Variants in PTPRE observed in about 807,000 individuals in gnomAD.
PTPRE encodes the protein protein tyrosine phosphatase receptor type E, also known as receptor-type tyrosine-protein phosphatase epsilon.
A neutral mutation model predicts 102.0 loss-of-function variants in PTPRE; 51 were observed. That is an observed-to-expected ratio of 0.50 (90% CI 0.40 to 0.63). The LOEUF (loss-of-function observed/expected upper bound fraction) is 0.63. Ranked by LOEUF, PTPRE falls within the 30% of genes least tolerant of loss-of-function variation. PTPRE has a pLI of 0.00. For synonymous variants in PTPRE, 345 were observed against 348.2 expected (o/e 0.99, Z 0.10); for missense variants, 752 against 915.1 (o/e 0.82, Z 2.30).
intron 2 of PTPRE, chr10:127,998,057 A>G (rs1260605599): frequency 6.6e-6 from 1 of 152,252 alleles, no homozygotes; most frequent in Non-Finnish European, 1.5e-5. Flanking sequence ...AGTCGAACAC[A>G]CAGCAGCAAT....
At chr10:127,981,347 G>A (rs186449881) in intron 1 of PTPRE, among the ~76,000 whole-genome samples, 22 of 152,202 alleles carry the variant, frequency 1.4e-4, no homozygotes, top group African/African-American at 4.1e-4. Flanking sequence ...TAGTGGGTGT[G>A]GGGTTTCTTT....
intron 2 of PTPRE, among the ~76,000 whole-genome samples, chr10:127,990,454 G>T (rs928213765): frequency 6.6e-6 from 1 of 151,080 alleles, no homozygotes; most frequent in African/African-American, 2.4e-5. Flanking sequence ...AAAAGAAAGC[G>T]GAGTGACTTA....
At chr10:127,937,424 A>G (rs1374904922) in intron 1 of PTPRE, among the ~76,000 whole-genome samples, 1 of 152,182 alleles carries the variant, frequency 6.6e-6, no homozygotes, top group Non-Finnish European at 1.5e-5. Context: ...TCTGAGCTGG[A>G]AGGAGGTTCT....
chr10:127,960,304 G>A (rs868215277), intron 1 of PTPRE, among the ~76,000 whole-genome samples: 4 of 152,318 alleles, frequency 2.6e-5, no homozygotes, highest in Non-Finnish European at 2.9e-5. Flanking sequence ...GCAAGTGAGC[G>A]CTGAGTTAGA....
intron 6 of PTPRE, among the ~76,000 whole-genome samples, chr10:128,055,255 C>G (rs531932455): frequency 1.3e-5 from 2 of 152,310 alleles, no homozygotes; most frequent in South Asian, 4.1e-4. Context: ...GGGAGCTCAC[C>G]TGAGCAGCGA....
chr10:127,976,668 T>A (rs1237929530), intron 1 of PTPRE, among the ~76,000 whole-genome samples: 1 of 152,226 alleles, frequency 6.6e-6, no homozygotes, highest in Non-Finnish European at 1.5e-5. Context: ...TTCAAGGTGG[T>A]TTAACGCTGT....
rs761635910 is a variant in PTPRE, at chr10:128,028,748, G to C, written c.-7-12127G>C. On this transcript the variant is annotated intron_variant, in intron 2 of 20. Transcript: ENST00000254667. This position sits in a 1 kb window ranked among gnomAD's most constrained non-coding sequence, Gnocchi z 4.5. Reference sequence around the variant, plus strand: ...GGCCAGGAGTCGGGATCTGCTCCCAGGAAGAAGCCTCCATCCCTGCGGAGG... The same window carrying C: ...GGCCAGGAGTCGGGATCTGCTCCCACGAAGAAGCCTCCATCCCTGCGGAGG... Among the ~76,000 whole-genome samples, 1 of 152,134 alleles carries C rather than the reference G, an allele frequency of 6.6e-6. No individual in the cohort carries two copies. The highest frequency in any genetic ancestry group is 6.5e-5 in the Admixed American group (1 of 15,280).
chr10:128,046,131 C>T (rs1426860512), intron 3 of PTPRE, among the ~76,000 whole-genome samples: 1 of 152,184 alleles, frequency 6.6e-6, no homozygotes, highest in Non-Finnish European at 1.5e-5. Flanking sequence ...CATAGGGTGC[C>T]AGAGTCAGTG....
chr10:128,077,968 TCATA>T (rs1260335081), intron 19 of PTPRE, among the ~76,000 whole-genome samples, 185 bp downstream of exon 19: 4 of 152,222 alleles, frequency 2.6e-5, no homozygotes, highest in African/African-American at 7.2e-5. Flanking sequence ...TGTCATCGTA[TCATA>T]CATAAGATGC....
chr10:127,978,437 T>A (rs1217615000), intron 1 of PTPRE, among the ~76,000 whole-genome samples: 1 of 151,128 alleles, frequency 6.6e-6, no homozygotes, highest in Non-Finnish European at 1.5e-5. Flanking sequence ...ACTCGGGGGG[T>A]GGCTGAGGCA....
At chr10:127,957,709 T>C (rs1271515865) in intron 1 of PTPRE, among the ~76,000 whole-genome samples, 2 of 152,256 alleles carry the variant, frequency 1.3e-5, no homozygotes, top group Non-Finnish European at 2.9e-5. Flanking sequence ...GTATAAACTT[T>C]AGTATCAGTT....
intron 16 of PTPRE, 50 bp downstream of exon 16, chr10:128,072,264 T>C (rs747682012): frequency 3.4e-6 from 5 of 1,462,250 alleles, no homozygotes; most frequent in Admixed American, 1.8e-5. Flanking sequence ...TTCCTTCACA[T>C]GTGACCACAG....
intron 2 of PTPRE, among the ~76,000 whole-genome samples, chr10:128,014,516 C>T (rs983745257): frequency 5.3e-5 from 8 of 151,978 alleles, no homozygotes; most frequent in Middle Eastern, 3.2e-3. Context: ...GAGACCCATG[C>T]GAGGAGGGCG....
Position 127,986,734 on chromosome 10 carries a change from A to C in PTPRE, c.-8+4438A>C, listed in dbSNP as rs1023324811. On this transcript the variant is annotated intron_variant, in intron 2 of 20. Transcript: ENST00000254667. The stretch of plus-strand genomic sequence containing the variant: ...AAAAAATCTGTTCGTTTTAAAATAA[A>C]GCTCAGGGTTCTGACAGGCAGGGGG... 2.0e-5 allele frequency among the ~76,000 whole-genome samples: 3 copies of C among 152,206 alleles called. No individual in the cohort carries two copies. The East Asian group carries it at 5.8e-4, about 29-fold the overall frequency.
At position 128,027,386 on chromosome 10, in the gene PTPRE, C is replaced by T. The variant is rs1846361071; in HGVS notation, c.-7-13489C>T. 2.0e-5 allele frequency among the ~76,000 whole-genome samples: 3 copies of T among 152,282 alleles called. No individual in the cohort carries two copies. The South Asian group carries it at 6.2e-4, about 32-fold the overall frequency. The stretch of plus-strand genomic sequence containing the variant: ...GAGGGATGCCTAGCACCCCAGAATT[C>T]AGCCCCTACTGACCAGCACCCCACA... On this transcript the variant is annotated intron_variant, in intron 2 of 20. Transcript: ENST00000254667.
At chr10:127,929,454 G>T (rs1024787898) in intron 1 of PTPRE, 1 of 152,176 alleles carries the variant, frequency 6.6e-6, no homozygotes. Context: ...AACAACTACA[G>T]ATATTTATCA....
intron 2 of PTPRE, chr10:127,999,050 A>G (rs770917498): frequency 2.6e-5 from 4 of 152,152 alleles, no homozygotes; most frequent in Non-Finnish European, 4.4e-5. Context: ...CTGAAATAGC[A>G]TTGTTCTTTA....
At chr10:127,995,054 C>T (rs1421143375) in intron 2 of PTPRE, among the ~76,000 whole-genome samples, 2 of 152,080 alleles carry the variant, frequency 1.3e-5, no homozygotes, top group African/African-American at 4.8e-5. Flanking sequence ...AGGTGTCGCC[C>T]ACCAAAAAAA....
intron 2 of PTPRE, among the ~76,000 whole-genome samples, chr10:128,014,502 A>G (rs973850793): frequency 1.3e-5 from 2 of 152,126 alleles, no homozygotes; most frequent in Non-Finnish European, 2.9e-5. Flanking sequence ...AGATATTTAC[A>G]CAAGAGACCC....
Sources: gnomAD v4.1 joint callset for allele counts (sites outside exome capture counted in the v4.1 genomes callset) on GRCh38, gnomAD v4.1.1 for gene constraint, Gnocchi (gnomAD v3.1) non-coding constraint, MANE v1.5 for transcripts, NCBI Gene and HGNC (gene_info 2026-07-23, HGNC 2026-07-21) for gene names.